Variants in FARS2 observed in about 807,000 individuals in gnomAD.
FARS2 encodes the protein phenylalanyl-tRNA synthetase 2, mitochondrial.
FARS2 carries 40 observed loss-of-function variants against 46.4 expected under a neutral mutation model. That is an observed-to-expected ratio of 0.86 (90% CI 0.67 to 1.12). FARS2 has a LOEUF of 1.12. Ranked by LOEUF, FARS2 falls within the 50% of genes most tolerant of loss-of-function variation. FARS2 has a pLI of 0.00. For missense variants in FARS2, 513 were observed against 567.9 expected (o/e 0.90, Z 0.98); for synonymous variants, 234 against 214.9 (o/e 1.09, Z -0.78).
intron 5 of FARS2, among the ~76,000 whole-genome samples, chr6:5,556,174 A>G (rs996351240): frequency 9.9e-5 from 15 of 152,050 alleles, no homozygotes; most frequent in Admixed American, 9.8e-4. Context: ...CGCTTCCTTT[A>G]GCTTAATACT....
rs112771734 is a variant in FARS2, at chr6:5,660,892, G to A, written c.1217+47572G>A. ...CACTGGGCCTCTTTGACCATGTAGG[G>A]ATCTCTCACTTTACCAAGAGCAATA... On this transcript the variant is annotated intron_variant, in intron 6 of 6. Coordinates refer to ENST00000274680, the MANE Select transcript of FARS2 (RefSeq NM_006567.5). Among the ~76,000 whole-genome samples, 80 of 152,318 alleles carry A rather than the reference G, an allele frequency of 5.3e-4. 1 individual carries two copies. The highest frequency in any genetic ancestry group is 1.9e-3 in the African/African-American group (77 of 41,570).
intron 4 of FARS2, among the ~76,000 whole-genome samples, chr6:5,468,842 T>C (rs1765656110): frequency 1.3e-5 from 2 of 152,200 alleles, no homozygotes; most frequent in Admixed American, 6.5e-5. Context: ...TACAGGGTAA[T>C]GTATGGGAGA....
chr6:5,693,800 C>A (rs1165271132), intron 6 of FARS2, among the ~76,000 whole-genome samples: 2 of 152,136 alleles, frequency 1.3e-5, no homozygotes, highest in African/African-American at 4.8e-5. Flanking sequence ...GGCTGGAGAA[C>A]ATTTCACCTC....
At chr6:5,349,560 G>C (rs1757442581) in intron 1 of FARS2, among the ~76,000 whole-genome samples, 1 of 152,070 alleles carries the variant, frequency 6.6e-6, no homozygotes, top group African/African-American at 2.4e-5. Context: ...AGTAATCTTT[G>C]TATTTTACAC....
intron 6 of FARS2, among the ~76,000 whole-genome samples, chr6:5,732,887 A>G (rs971770138): frequency 1.3e-5 from 2 of 151,806 alleles, no homozygotes; most frequent in Admixed American, 6.6e-5. Flanking sequence ...TCACTTCCAC[A>G]GTTGCTGAAT....
intron 2 of FARS2, among the ~76,000 whole-genome samples, chr6:5,383,953 T>C (rs1410959100): frequency 6.6e-6 from 1 of 152,100 alleles, no homozygotes; most frequent in Admixed American, 6.5e-5. Context: ...GCAATCTCTT[T>C]CTCTCTGTTT....
intron 5 of FARS2, among the ~76,000 whole-genome samples, chr6:5,545,915 G>A (rs1002298495): frequency 1.6e-4 from 24 of 152,088 alleles, no homozygotes; most frequent in African/African-American, 5.8e-4. Context: ...ATCACCTGAG[G>A]TCAAGAGTTC....
chr6:5,516,803 A>G (rs940146706), intron 4 of FARS2, among the ~76,000 whole-genome samples: 6 of 152,204 alleles, frequency 3.9e-5, no homozygotes, highest in Non-Finnish European at 1.5e-5. Flanking sequence ...AGGATATAAT[A>G]TGTTTACTCA....
intron 6 of FARS2, among the ~76,000 whole-genome samples, chr6:5,699,753 A>AGC (rs1306207580): frequency 1.3e-5 from 2 of 152,316 alleles, no homozygotes; most frequent in Middle Eastern, 3.4e-3. Context: ...AAGTTTGAAA[A>AGC]GCACTTATGC....
chr6:5,418,993 C>T (rs1481634319), intron 3 of FARS2, among the ~76,000 whole-genome samples: 1 of 152,146 alleles, frequency 6.6e-6, no homozygotes, highest in Non-Finnish European at 1.5e-5. Flanking sequence ...GCTACTCCTT[C>T]TGGACCTTCC....
chr6:5,494,804 C>T (rs935333281), intron 4 of FARS2, among the ~76,000 whole-genome samples: 2 of 152,180 alleles, frequency 1.3e-5, no homozygotes, highest in Middle Eastern at 3.2e-3. Flanking sequence ...TTTTTCCTCT[C>T]TCCCCCTTTT....
intron 4 of FARS2, among the ~76,000 whole-genome samples, chr6:5,516,927 A>C (rs1768833869): frequency 6.6e-6 from 1 of 152,190 alleles, no homozygotes; most frequent in Non-Finnish European, 1.5e-5. Context: ...AGCATTTTGC[A>C]AGATGCTTGG....
Position 5,430,911 on chromosome 6 carries a change from T to G in FARS2, c.773-130T>G. On this transcript the variant is annotated intron_variant, in intron 3 of 6. Transcript: ENST00000274680. ...TTGCCTCACCCTAACATGTTGCAAA[T>G]TAGTTTATTTGCTATTTATTTTACT... is the stretch of plus-strand genomic sequence containing the variant. 1.5e-5 allele frequency: 13 copies of G among 882,052 alleles called. 1 individual carries two copies. The South Asian group carries it at 2.6e-4, about 18-fold the overall frequency. 54.6% of individuals were successfully genotyped at this position (882,052 alleles called of 1,614,324 possible).
intron 1 of FARS2, among the ~76,000 whole-genome samples, chr6:5,297,058 A>T (rs1358253415): frequency 6.6e-6 from 1 of 152,224 alleles, no homozygotes; most frequent in Non-Finnish European, 1.5e-5. Context: ...CAGGGGTTCC[A>T]ATTTCTTCAC....
intron 4 of FARS2, among the ~76,000 whole-genome samples, chr6:5,432,528 T>TATATATA (rs59122142): frequency 8.2e-6 from 1 of 121,758 alleles, no homozygotes; most frequent in African/African-American, 3.5e-5. Flanking sequence ...TATATATATA[T>TATATATA]TTTTTTTTTT....
At chr6:5,741,156 T>G (rs1255082748) in intron 6 of FARS2, among the ~76,000 whole-genome samples, 1 of 152,228 alleles carries the variant, frequency 6.6e-6, no homozygotes, top group African/African-American at 2.4e-5. Flanking sequence ...CTAATTCCTG[T>G]TAAAACCAAC....
At chr6:5,738,550 G>A (rs1183254146) in intron 6 of FARS2, among the ~76,000 whole-genome samples, 3 of 152,140 alleles carry the variant, frequency 2.0e-5, no homozygotes, top group Non-Finnish European at 4.4e-5. Flanking sequence ...TGTTTACTGG[G>A]TACAAAGCTA....
chr6:5,388,888 A>G (rs1760307852), intron 2 of FARS2, among the ~76,000 whole-genome samples: 1 of 152,150 alleles, frequency 6.6e-6, no homozygotes, highest in South Asian at 2.1e-4. Context: ...TCTCAAAGCC[A>G]GGATATTTCA....
chr6:5,649,701 G>C (rs1380690931), intron 6 of FARS2, among the ~76,000 whole-genome samples: 1 of 152,160 alleles, frequency 6.6e-6, no homozygotes, highest in Non-Finnish European at 1.5e-5. Flanking sequence ...TGAGTAACTT[G>C]TCCTCAGTCC....
Sources: allele counts gnomAD v4.1 joint callset (sites outside exome capture counted in the v4.1 genomes callset), GRCh38; gene constraint gnomAD v4.1.1; transcripts MANE v1.5; gene names NCBI Gene and HGNC (gene_info 2026-07-23, HGNC 2026-07-21).